KCTD13: variants seen among roughly 807,000 people sequenced by gnomAD.
KCTD13 encodes the protein BTB/POZ domain-containing adapter for CUL3-mediated RhoA degradation protein 1.
KCTD13 carries 15 observed loss-of-function variants against 32.3 expected under a neutral mutation model. The ratio of observed to expected loss-of-function variants is 0.46; its 90% confidence interval spans 0.31 to 0.71. KCTD13 has a LOEUF of 0.71. KCTD13 is among the 30% of genes least tolerant of loss of function. The pLI is 0.05. For missense variants in KCTD13, 337 were observed against 452.6 expected, an observed-to-expected ratio of 0.74 and a Z score of 2.32; for synonymous variants, 189 against 200.1, an observed-to-expected ratio of 0.94 and a Z score of 0.47.
chr16:29,922,234 C>T (rs569830910), intron 2 of KCTD13: 8 of 151,346 alleles, frequency 5.3e-5, no homozygotes, highest in Non-Finnish European at 7.4e-5. Flanking sequence ...TGGATATTGT[C>T]CAAAGGAGTT....
At chr16:29,925,293 T>C (rs1354091269) in intron 1 of KCTD13, among the ~76,000 whole-genome samples, 1 of 152,136 alleles carries the variant, frequency 6.6e-6, no homozygotes, top group African/African-American at 2.4e-5. Context: ...GGTGGATTCC[T>C]AGAGTGTACA....
At chr16:29,923,589 C>T (rs528333579) in intron 1 of KCTD13, among the ~76,000 whole-genome samples, 3 of 152,198 alleles carry the variant, frequency 2.0e-5, no homozygotes, top group South Asian at 2.1e-4. Flanking sequence ...CAGCCAGGCG[C>T]GGTGGCTCAT....
chr16:29,919,851 C>A (rs1437194343), intron 2 of KCTD13: 1 of 152,128 alleles, frequency 6.6e-6, no homozygotes, highest in Non-Finnish European at 1.5e-5. Context: ...TTAATAAATA[C>A]TGCTTTAAAA....
At chr16:29,925,478 A>C in intron 1 of KCTD13, 1 of 413,460 alleles carries the variant, frequency 2.4e-6, no homozygotes. Context: ...TCTTGAGCTG[A>C]GGGGTGAAGG....
intron 2 of KCTD13, chr16:29,920,769 TC>T: frequency 6.6e-6 from 1 of 152,320 alleles, no homozygotes; most frequent in Non-Finnish European, 1.5e-5. Context: ...AGAAATGTAA[TC>T]TCTTATGCAC....
chr16:29,911,188 ACCAGGAGG>A lies in KCTD13; in HGVS notation c.558-23_558-16del. 6.2e-7 allele frequency: 1 copy of A among 1,611,034 alleles called. No individual in the cohort carries two copies. Among genetic ancestry groups the A allele is most frequent in the Non-Finnish European group, 8.5e-7 (1 of 1,177,624 alleles). ...CATCTGAAGTGCTGGGGACCAGGGG[ACCAGGAGG>A]CCTCAGCGCAGTTGGCACCCCTCCC... On this transcript the variant is annotated splice_polypyrimidine_tract_variant and intron_variant, in intron 4 of 5. Coordinates refer to ENST00000568000, the MANE Select transcript of KCTD13 (RefSeq NM_178863.5).
intron 2 of KCTD13, chr16:29,913,190 A>G (rs2068747763): frequency 6.9e-6 from 1 of 144,800 alleles, no homozygotes. Flanking sequence ...TGGCATGACC[A>G]CAGCTTACAG....
intron 2 of KCTD13, 140 bp from the exon 3 acceptor site, chr16:29,912,189 G>A (rs4548895): frequency 0.56 from 373,222 of 662,724 alleles, 107,238 homozygotes; most frequent in Non-Finnish European, 0.6. Context: ...AGCTCCGCCA[G>A]CCTCTCTGCC....
At chr16:29,917,817 G>A (rs181519513) in intron 2 of KCTD13, among the ~76,000 whole-genome samples, 1 of 152,122 alleles carries the variant, frequency 6.6e-6, no homozygotes, top group Non-Finnish European at 1.5e-5. Flanking sequence ...GTGTCATGGT[G>A]CACGCCTGTA....
chr16:29,913,478 G>C (rs1330968519), intron 2 of KCTD13: 1 of 152,192 alleles, frequency 6.6e-6, no homozygotes, highest in African/African-American at 2.4e-5. Context: ...ATCTATCACT[G>C]TGTAACAAAC....
At chr16:29,918,813 A>G (rs1226106658) in intron 2 of KCTD13, among the ~76,000 whole-genome samples, 3 of 152,078 alleles carry the variant, frequency 2.0e-5, no homozygotes, top group African/African-American at 7.2e-5. Context: ...GCCCACCACC[A>G]GGCCTGGCTA....
chr16:29,908,312 G>A (rs1251062727), intron 5 of KCTD13, among the ~76,000 whole-genome samples: 1 of 152,164 alleles, frequency 6.6e-6, no homozygotes. Flanking sequence ...GAGGTGACTG[G>A]GGTGTTCCCT....
rs2068985223 is a variant in KCTD13, at chr16:29,925,772, T to C, written c.244+18A>G. 6.2e-7 allele frequency: 1 copy of C among 1,610,498 alleles called. No homozygotes were observed. The highest frequency in any genetic ancestry group is 1.3e-5 in the African/African-American group (1 of 74,612). On this transcript the variant is annotated intron_variant, in intron 1 of 5. Coordinates refer to ENST00000568000, the MANE Select transcript of KCTD13 (RefSeq NM_178863.5). ...TTGGGGGTCTGGGGTGGGGGCACGG[T>C]AGGGGCGCCGCTCGTACCTCCGGCA... is the stretch of plus-strand genomic sequence containing the variant.
chr16:29,918,752 G>A (rs962500834), intron 2 of KCTD13, among the ~76,000 whole-genome samples: 1 of 152,154 alleles, frequency 6.6e-6, no homozygotes, highest in African/African-American at 2.4e-5. Flanking sequence ...TGCCTCCCCA[G>A]GTTCAAGCGA....
intron 2 of KCTD13, among the ~76,000 whole-genome samples, chr16:29,916,013 A>G (rs1240598353): frequency 6.6e-6 from 1 of 152,098 alleles, no homozygotes; most frequent in Non-Finnish European, 1.5e-5. Flanking sequence ...TATAAGCAGC[A>G]AGAAGCCAGG....
At position 29,911,873 on chromosome 16, in the gene KCTD13, G is replaced by A. The variant is rs747943303; in HGVS notation, c.505-6C>T. On this transcript the variant is annotated splice_region_variant and splice_polypyrimidine_tract_variant and intron_variant, in intron 3 of 5. Coordinates refer to ENST00000568000, the MANE Select transcript of KCTD13 (RefSeq NM_178863.5). ...TGCAGGAGCTTCACCACGGGCTGGCGGGGGAGAGAGGATGGACGAGAGGGG... is the reference window on the plus strand; with the variant it reads ...TGCAGGAGCTTCACCACGGGCTGGCAGGGGAGAGAGGATGGACGAGAGGGG... 25 of 1,612,028 alleles carry A rather than the reference G, an allele frequency of 1.6e-5. No homozygotes were observed. The highest frequency in any genetic ancestry group is 1.1e-4 in the African/African-American group (8 of 74,846).
At position 29,912,162 on chromosome 16, in the gene KCTD13, G is replaced by A. The variant is rs544168751; in HGVS notation, c.415-113C>T. 10 of 718,248 alleles carry A rather than the reference G, an allele frequency of 1.4e-5. No individual in the cohort carries two copies. In the East Asian group the frequency reaches 1.9e-4, roughly 14 times the overall value. 44.5% of individuals were successfully genotyped at this position (718,248 alleles called of 1,614,324 possible). ...ACTCCAGACTCCTCAGTGGTCCGCAGGGCTCTGCAGGCTCCAAGCTCCGCC... is the reference window on the plus strand; with the variant it reads ...ACTCCAGACTCCTCAGTGGTCCGCAAGGCTCTGCAGGCTCCAAGCTCCGCC... On this transcript the variant is annotated intron_variant, in intron 2 of 5. Transcript: ENST00000568000.
At chr16:29,924,599 G>C (rs1011542718) in intron 1 of KCTD13, among the ~76,000 whole-genome samples, 1 of 151,818 alleles carries the variant, frequency 6.6e-6, no homozygotes, top group Non-Finnish European at 1.5e-5. Flanking sequence ...CTTGCTTATT[G>C]GTCTTCTGAT....
intron 5 of KCTD13, 47 bp from the exon 6 acceptor site, chr16:29,907,155 C>T (rs766481071): frequency 1.2e-5 from 17 of 1,372,830 alleles, no homozygotes; most frequent in East Asian, 9.2e-5. Flanking sequence ...GGTGCAGTCA[C>T]GCAGGGCCAT....
Sources: gnomAD v4.1 joint callset for allele counts (sites outside exome capture counted in the v4.1 genomes callset) on GRCh38, gnomAD v4.1.1 for gene constraint, MANE v1.5 for transcripts, NCBI Gene and HGNC (gene_info 2026-07-23, HGNC 2026-07-21) for gene names.